JARID2: variants seen among roughly 807,000 people sequenced by gnomAD.
JARID2 encodes the protein jumonji and AT-rich interaction domain containing 2.
A neutral mutation model predicts 125.6 loss-of-function variants in JARID2; 21 were observed. The ratio of observed to expected loss-of-function variants is 0.17; its 90% confidence interval spans 0.12 to 0.24. The LOEUF is 0.24. Among genes scored for constraint, JARID2 ranks in the 10% least tolerant of loss-of-function variants. The pLI is 1.00. For missense variants in JARID2, 1,303 were observed against 1,639.6 expected, an observed-to-expected ratio of 0.79 and a Z score of 3.55; for synonymous variants, 736 against 661.6, an observed-to-expected ratio of 1.11 and a Z score of -1.73.
At chr6:15,389,844 TC>T (rs2127539818) in intron 2 of JARID2, among the ~76,000 whole-genome samples, 1 of 152,342 alleles carries the variant, frequency 6.6e-6, no homozygotes, top group East Asian at 1.9e-4. Flanking sequence ...ATGGACCCCC[TC>T]CCACCCTTTG....
chr6:15,510,329 C>A (rs958851014), intron 12 of JARID2, among the ~76,000 whole-genome samples: 1 of 152,092 alleles, frequency 6.6e-6, no homozygotes, highest in Non-Finnish European at 1.5e-5. Flanking sequence ...CCCTGCCTTG[C>A]GGGGGGCCTC....
At chr6:15,464,581 C>T (rs1581600869) in intron 4 of JARID2, among the ~76,000 whole-genome samples, 1 of 152,080 alleles carries the variant, frequency 6.6e-6, no homozygotes, top group Admixed American at 6.5e-5. Context: ...TGGGGTACCC[C>T]CCAGTGAGAA....
intron 1 of JARID2, among the ~76,000 whole-genome samples, chr6:15,287,166 A>AAC (rs1238775873): frequency 6.6e-6 from 1 of 152,064 alleles, no homozygotes; most frequent in African/African-American, 2.4e-5. Flanking sequence ...CAAACAAAAA[A>AAC]ACCCCTCTTG....
chr6:15,406,435 GGT>G (rs1765653432), intron 2 of JARID2, among the ~76,000 whole-genome samples: 1 of 152,178 alleles, frequency 6.6e-6, no homozygotes, highest in Non-Finnish European at 1.5e-5. Context: ...TCTGTCTCAA[GGT>G]CGGGGGAGAG....
chr6:15,360,407 A>C (rs995014642), intron 1 of JARID2, among the ~76,000 whole-genome samples: 4 of 151,478 alleles, frequency 2.6e-5, no homozygotes, highest in African/African-American at 9.7e-5. Flanking sequence ...CTGGTCTTCA[A>C]CTCCTGACCT....
intron 1 of JARID2, among the ~76,000 whole-genome samples, chr6:15,293,552 G>C (rs894302056): frequency 6.6e-6 from 1 of 152,230 alleles, no homozygotes; most frequent in African/African-American, 2.4e-5. Flanking sequence ...TAAACACTGA[G>C]TTCTTAGAAT....
chr6:15,333,298 A>C (rs926303604), intron 1 of JARID2, among the ~76,000 whole-genome samples: 8 of 152,156 alleles, frequency 5.3e-5, no homozygotes, highest in Admixed American at 3.3e-4. Context: ...GCAAGCCATT[A>C]CTACTATGTA....
At chr6:15,464,149 T>A (rs1401222867) in intron 4 of JARID2, among the ~76,000 whole-genome samples, 1 of 152,218 alleles carries the variant, frequency 6.6e-6, no homozygotes, top group African/African-American at 2.4e-5. Flanking sequence ...ATGATCTTAC[T>A]GCATTTGTCT....
At chr6:15,427,626 T>C (rs1363813709) in intron 3 of JARID2, among the ~76,000 whole-genome samples, 2 of 152,092 alleles carry the variant, frequency 1.3e-5, no homozygotes, top group East Asian at 3.9e-4. Context: ...CTCCTTGCCT[T>C]TTCACACCCC....
intron 3 of JARID2, among the ~76,000 whole-genome samples, chr6:15,435,023 G>A (rs566769437): frequency 2.4e-4 from 37 of 152,300 alleles, no homozygotes; most frequent in African/African-American, 8.9e-4. Context: ...TTCAATGTTT[G>A]TTCAGTGGTA....
chr6:15,300,475 G>A (rs753035549), intron 1 of JARID2, among the ~76,000 whole-genome samples: 1 of 152,160 alleles, frequency 6.6e-6, no homozygotes, highest in Non-Finnish European at 1.5e-5. Context: ...TACTGTGCTT[G>A]TTGTGAGCTC....
chr6:15,408,443 C>T (rs1319636092), intron 2 of JARID2, among the ~76,000 whole-genome samples: 1 of 152,140 alleles, frequency 6.6e-6, no homozygotes, highest in Non-Finnish European at 1.5e-5. Context: ...CAACTCTAAT[C>T]TCAGTTAAAT....
At chr6:15,312,897 C>G (rs1295929906) in intron 1 of JARID2, among the ~76,000 whole-genome samples, 3 of 152,144 alleles carry the variant, frequency 2.0e-5, no homozygotes, top group Admixed American at 1.3e-4. Context: ...ACCTTTACCC[C>G]TCACCACCCC....
intron 1 of JARID2, among the ~76,000 whole-genome samples, chr6:15,258,717 G>T (rs1392037332): frequency 6.6e-6 from 1 of 152,202 alleles, no homozygotes; most frequent in East Asian, 1.9e-4. Context: ...AGGAGGCAGA[G>T]GTTGCAGTGA....
At chr6:15,306,451 C>G (rs1054073925) in intron 1 of JARID2, among the ~76,000 whole-genome samples, 3 of 150,692 alleles carry the variant, frequency 2.0e-5, no homozygotes, top group Non-Finnish European at 4.4e-5. Flanking sequence ...TCTCCTGCCT[C>G]AGCCTCCCGA....
intron 1 of JARID2, among the ~76,000 whole-genome samples, chr6:15,365,261 G>A (rs1173810727): frequency 1.3e-5 from 2 of 152,192 alleles, no homozygotes; most frequent in Non-Finnish European, 2.9e-5. Context: ...GACAATCCAG[G>A]TGTCTGTTAG....
rs376444492 is a variant in JARID2, at chr6:15,517,284, C to T, written c.3558+16C>T. Reference sequence around the variant, plus strand: ...CTACGATGAGGTCAGTCCCTGCCCGCGGGGTAGGGCAGGGCGGCAGCGTGG... The same window carrying T: ...CTACGATGAGGTCAGTCCCTGCCCGTGGGGTAGGGCAGGGCGGCAGCGTGG... On this transcript the variant is annotated intron_variant, in intron 17 of 17. Transcript: ENST00000341776. 34 of 1,566,366 alleles carry T rather than the reference C, an allele frequency of 2.2e-5. No individual in the cohort carries two copies. Among genetic ancestry groups the T allele is most frequent in the African/African-American group, 2.0e-4 (15 of 73,982 alleles).
chr6:15,292,269 C>T (rs569518659), intron 1 of JARID2, among the ~76,000 whole-genome samples: 1 of 152,260 alleles, frequency 6.6e-6, no homozygotes, highest in Admixed American at 6.5e-5. Flanking sequence ...GATCCGCCCG[C>T]CTCAGCCTCC....
At chr6:15,454,489 T>TAACAAAATAA (rs1261668400) in intron 4 of JARID2, among the ~76,000 whole-genome samples, 7 of 152,152 alleles carry the variant, frequency 4.6e-5, no homozygotes, top group South Asian at 2.1e-4. Context: ...GGAGACAGGG[T>TAACAAAATAA]CTTGTCTCAT....
Sources: allele counts gnomAD v4.1 joint callset (sites outside exome capture counted in the v4.1 genomes callset), GRCh38; gene constraint gnomAD v4.1.1; transcripts MANE v1.5; gene names NCBI Gene and HGNC (gene_info 2026-07-23, HGNC 2026-07-21).